The following PTPRT variants were observed in gnomAD, a reference collection of about 807,000 sequenced individuals.
PTPRT encodes the protein protein tyrosine phosphatase receptor type T, also known as receptor-type tyrosine-protein phosphatase T.
PTPRT carries 56 observed loss-of-function variants against 176.8 expected under a neutral mutation model. That is an observed-to-expected ratio of 0.32 (90% CI 0.26 to 0.40). The LOEUF is 0.40. Ranked by LOEUF, PTPRT falls within the 10% of genes least tolerant of loss-of-function variation. The pLI, the probability that PTPRT is intolerant of heterozygous loss-of-function variation, is 1.00. For missense variants in PTPRT, 1,540 were observed against 1,908.2 expected (o/e 0.81, Z 3.60); for synonymous variants, 783 against 739.0 (o/e 1.06, Z -0.96).
chr20:42,389,214 G>A (rs969580062), intron 9 of PTPRT, among the ~76,000 whole-genome samples: 4 of 151,764 alleles, frequency 2.6e-5, no homozygotes, highest in Admixed American at 1.3e-4. Context: ...AACATGGCAC[G>A]TGTATACATA....
At chr20:42,249,825 T>C (rs1001094134) in intron 13 of PTPRT, among the ~76,000 whole-genome samples, 6 of 152,220 alleles carry the variant, frequency 3.9e-5, no homozygotes, top group South Asian at 4.1e-4. Flanking sequence ...TGCTACGTAC[T>C]AGGGATCAGA....
rs138365033 is a variant in PTPRT, at chr20:42,873,214, C to T, written c.214+12593G>A. Among the ~76,000 whole-genome samples the T allele has an allele frequency of 7.2e-5, 11 of 152,296 alleles. No homozygotes were observed. The East Asian group carries it at 1.9e-3, about 27-fold the overall frequency. On this transcript the variant is annotated intron_variant, in intron 2 of 30. Transcript: ENST00000373187. ...GGGAGTCATCAGTGGGTGCCACTGACTTGAGCTGCTTTGGTTCAAATCCCC... is the reference window on the plus strand; with the variant it reads ...GGGAGTCATCAGTGGGTGCCACTGATTTGAGCTGCTTTGGTTCAAATCCCC...
intron 11 of PTPRT, among the ~76,000 whole-genome samples, chr20:42,317,156 G>T (rs2057732511): frequency 6.6e-6 from 1 of 152,172 alleles, no homozygotes; most frequent in South Asian, 2.1e-4. Context: ...CCTGGATGCA[G>T]AAACCCTAAT....
At chr20:42,374,196 T>C (rs1196677623) in intron 9 of PTPRT, among the ~76,000 whole-genome samples, 2 of 152,222 alleles carry the variant, frequency 1.3e-5, no homozygotes, top group Non-Finnish European at 2.9e-5. Flanking sequence ...TGTCTCACTC[T>C]CAACACCAGC....
chr20:43,121,164 C>T (rs1373680593), intron 1 of PTPRT, among the ~76,000 whole-genome samples: 1 of 151,656 alleles, frequency 6.6e-6, no homozygotes, highest in African/African-American at 2.4e-5. Flanking sequence ...CTGAGATTCA[C>T]CCATTTCATT....
Position 42,733,994 on chromosome 20 carries a change from C to A in PTPRT, c.859+22468G>T, listed in dbSNP as rs56302541. Among the ~76,000 whole-genome samples, 542 of 152,336 alleles carry A rather than the reference C, an allele frequency of 3.6e-3. 2 individuals are homozygous for A. Among genetic ancestry groups the A allele is most frequent in the Non-Finnish European group, 5.8e-3 (392 of 68,032 alleles). On this transcript the variant is annotated intron_variant, in intron 6 of 30. Transcript: ENST00000373187. The stretch of plus-strand genomic sequence containing the variant: ...AGGCCCAGGAGTCTCAACTGGGAAG[C>A]AGACCCTGAAGCCATGTCTCCCAAT...
At chr20:42,154,382 G>GCTGC (rs1281555733) in intron 17 of PTPRT, among the ~76,000 whole-genome samples, 2 of 152,114 alleles carry the variant, frequency 1.3e-5, no homozygotes, top group Admixed American at 6.5e-5. Context: ...CCATTCAAAA[G>GCTGC]CTGCCTGCCT....
intron 5 of PTPRT, among the ~76,000 whole-genome samples, chr20:42,769,420 T>C (rs2077031111): frequency 6.6e-6 from 1 of 152,186 alleles, no homozygotes; most frequent in African/African-American, 2.4e-5. Flanking sequence ...AACTATAACG[T>C]GCTCCCATTA....
intron 1 of PTPRT, among the ~76,000 whole-genome samples, chr20:42,999,615 T>TTGTTGTTG (rs1555815039): frequency 6.6e-6 from 1 of 150,444 alleles, no homozygotes; most frequent in Non-Finnish European, 1.5e-5. Flanking sequence ...TGGTTTTTTT[T>TTGTTGTTG]TTGTTGTTGT....
chr20:42,944,629 G>A (rs967278734), intron 1 of PTPRT, among the ~76,000 whole-genome samples: 53 of 152,210 alleles, frequency 3.5e-4, no homozygotes, highest in African/African-American at 1.2e-3. Flanking sequence ...CACGTGCTAT[G>A]CCCTCCACCT....
At chr20:43,074,862 C>G (rs2011234504) in intron 1 of PTPRT, among the ~76,000 whole-genome samples, 2 of 152,214 alleles carry the variant, frequency 1.3e-5, no homozygotes. Flanking sequence ...CCTTTTACTC[C>G]TCCAACATTT....
At chr20:42,258,565 C>A (rs6030094) in intron 13 of PTPRT, among the ~76,000 whole-genome samples, 2,214 of 152,158 alleles carry the variant, frequency 0.015, 56 homozygotes, top group African/African-American at 0.051. Context: ...TTTTTTTCTG[C>A]TTTGTCTCCA....
intron 1 of PTPRT, among the ~76,000 whole-genome samples, chr20:43,088,970 C>A (rs1417613846): frequency 1.3e-5 from 2 of 152,090 alleles, no homozygotes; most frequent in African/African-American, 4.8e-5. Flanking sequence ...GATAAATTCT[C>A]TAAATCTGGT....
chr20:42,747,086 T>A (rs2076701651), intron 6 of PTPRT, among the ~76,000 whole-genome samples: 1 of 152,112 alleles, frequency 6.6e-6, no homozygotes, highest in Admixed American at 6.5e-5. Context: ...CACAGGGAAT[T>A]ACAAAGCTCA....
intron 1 of PTPRT, among the ~76,000 whole-genome samples, chr20:42,986,639 G>A (rs561096306): frequency 4.3e-4 from 66 of 152,286 alleles, no homozygotes; most frequent in South Asian, 4.2e-4. Context: ...CAAAGAAAGC[G>A]ACAGTAGATA....
At chr20:42,673,458 T>C (rs773438141) in intron 7 of PTPRT, among the ~76,000 whole-genome samples, 5 of 152,216 alleles carry the variant, frequency 3.3e-5, no homozygotes, top group African/African-American at 7.2e-5. Context: ...CAGGGGAATA[T>C]TTGTCTTAAT....
chr20:42,406,484 A>G (rs2058962138), intron 9 of PTPRT, among the ~76,000 whole-genome samples: 1 of 152,240 alleles, frequency 6.6e-6, no homozygotes, highest in South Asian at 2.1e-4. Context: ...ATCACGTAAC[A>G]GTTTAAGAAA....
At chr20:42,198,607 C>G (rs78755133) in intron 16 of PTPRT, among the ~76,000 whole-genome samples, 2,477 of 152,278 alleles carry the variant, frequency 0.016, 31 homozygotes, top group South Asian at 0.028. Context: ...TAAGGGTTAA[C>G]CCTGATATCT....
intron 1 of PTPRT, among the ~76,000 whole-genome samples, chr20:43,066,488 T>C (rs2011113121): frequency 6.6e-6 from 1 of 152,178 alleles, no homozygotes; most frequent in Non-Finnish European, 1.5e-5. Context: ...AATAAGTCGG[T>C]ATGCTTTTCT....
Sources: allele counts gnomAD v4.1 joint callset (sites outside exome capture counted in the v4.1 genomes callset), GRCh38; gene constraint gnomAD v4.1.1; transcripts MANE v1.5; gene names NCBI Gene and HGNC (gene_info 2026-07-23, HGNC 2026-07-21).